Variants in CSF3 observed in about 807,000 individuals in gnomAD.
CSF3 encodes the protein granulocyte colony-stimulating factor.
A neutral mutation model predicts 20.2 loss-of-function variants in CSF3; 17 were observed. That is an observed-to-expected ratio of 0.84 (90% CI 0.58 to 1.26). The LOEUF is 1.26. CSF3 is among the 50% of genes most tolerant of loss of function. The pLI, the probability that CSF3 is intolerant of heterozygous loss-of-function variation, is 0.00. For missense variants in CSF3, 210 were observed against 256.0 expected (o/e 0.82, Z 1.23); for synonymous variants, 125 against 115.3 (o/e 1.08, Z -0.54).
chr17:40,016,612 C>A lies in CSF3; in HGVS notation c.431C>A (p.Ala144Asp). ...DTLQLDVADFATTIWQQMEEL... is the reference protein window; with the variant it reads ...DTLQLDVADFDTTIWQQMEEL... ...CTGCAGCTGGACGTCGCCGACTTTG[C>A]CACCACCATCTGGCAGCAGGTGAGC... The change falls in exon 4 of 5, where the codon GCC becomes GAC. Residue 144 changes from alanine (A) to aspartate (D), a missense_variant. Transcript: ENST00000394149. 1 of 1,614,136 alleles carries A rather than the reference C, an allele frequency of 6.2e-7. No individual in the cohort carries two copies. Among genetic ancestry groups the A allele is most frequent in the Non-Finnish European group, 8.5e-7 (1 of 1,180,036 alleles).
chr17:40,016,531 G>A lies in CSF3; in HGVS notation c.350G>A (p.Gly117Glu), dbSNP rs1981399156. 6.2e-7 allele frequency: 1 copy of A among 1,614,064 alleles called. No individual in the cohort carries two copies. The highest frequency in any genetic ancestry group is 1.7e-5 in the Admixed American group (1 of 59,996). The change falls in exon 4 of 5, where the codon GGG becomes GAG. Residue 117 changes from glycine (G) to glutamate (E), a missense_variant. Gly to Glu is a moderately conservative substitution (Grantham distance 98). Transcript: ENST00000394149. ...QLHSGLFLYQ[G>E]LLQALEGISP... is the part of the protein sequence containing the mutation. Reference sequence around the variant, plus strand: ...CATAGCGGCCTTTTCCTCTACCAGGGGCTCCTGCAGGCCCTGGAAGGGATC... The same window carrying A: ...CATAGCGGCCTTTTCCTCTACCAGGAGCTCCTGCAGGCCCTGGAAGGGATC...
In CSF3 at chr17:40,015,465, AC is replaced by A; in HGVS notation, c.-7del. 1 of 1,551,288 alleles carries A rather than the reference AC, an allele frequency of 6.4e-7. No homozygotes were observed. The highest frequency in any genetic ancestry group is 8.7e-7 in the Non-Finnish European group (1 of 1,146,904). On this transcript the variant is annotated 5_prime_UTR_variant, in exon 1 of 5. Transcript: ENST00000394149. ...AGCCCGGAGCCTGCAGCCCAGCCCC[AC>A]CCAGACCCATGGCTGGACCTGCCAC... is the stretch of plus-strand genomic sequence containing the variant.
Position 40,016,452 on chromosome 17 carries a change from A to T in CSF3, c.304-33A>T, listed in dbSNP as rs764540509. Reference sequence around the variant, plus strand: ...GCTGGGGGCCTGACGTATCTCAGGCAGCACCCCCTAACTCTTCCGCTCTGT... The same window carrying T: ...GCTGGGGGCCTGACGTATCTCAGGCTGCACCCCCTAACTCTTCCGCTCTGT... On this transcript the variant is annotated intron_variant, in intron 3 of 4. Coordinates refer to ENST00000394149, the MANE Select transcript of CSF3 (RefSeq NM_172219.3). 3.1e-6 allele frequency: 5 copies of T among 1,612,066 alleles called. No individual in the cohort carries two copies. In the East Asian group the frequency reaches 8.9e-5, roughly 29 times the overall value.
Position 40,015,730 on chromosome 17 carries a change from T to C in CSF3, c.80T>C (p.Val27Ala), listed in dbSNP as rs1285370229. ...CTGTGGCACAGTGCACTCTGGACAG[T>C]GCAGGAAGCCACCCCCCTGGGCCCT... ...LLLWHSALWT[V>A]QEATPLGPAS... is the part of the protein sequence containing the mutation. The change falls in exon 2 of 5, where the codon GTG becomes GCG. Residue 27 changes from valine (V) to alanine (A), a missense_variant. Val to Ala is a moderately conservative substitution (Grantham distance 64, BLOSUM62 0). Coordinates refer to ENST00000394149, the MANE Select transcript of CSF3 (RefSeq NM_172219.3). The C allele has an allele frequency of 6.3e-7, 1 of 1,597,022 alleles. No homozygotes were observed. The highest frequency in any genetic ancestry group is 1.7e-5 in the Admixed American group (1 of 57,850).
rs757612684 is a variant in CSF3 at position 40,016,903 on chromosome 17, C to G, written c.559C>G (p.Leu187Val). The G allele has an allele frequency of 6.2e-7, 1 of 1,613,184 alleles. No individual in the cohort carries two copies. Among genetic ancestry groups the G allele is most frequent in the African/African-American group, 1.3e-5 (1 of 74,926 alleles). The change falls in exon 5 of 5, where the codon CTG (leucine) becomes GTG (valine). Residue 187 changes from leucine to valine, a missense_variant. By Grantham distance (32) the Leu-to-Val change is conservative (BLOSUM62 1). Transcript: ENST00000394149. ...AGGAGGGGTCCTGGTTGCCTCCCAT[C>G]TGCAGAGCTTCCTGGAGGTGTCGTA... ...RAGGVLVASH[L>V]QSFLEVSYRV...
chr17:40,016,615 C>A lies in CSF3; in HGVS notation c.434C>A (p.Thr145Asn). 1.2e-6 allele frequency: 2 copies of A among 1,614,164 alleles called. No homozygotes were observed. The highest frequency in any genetic ancestry group is 8.5e-7 in the Non-Finnish European group (1 of 1,180,034). ...CAGCTGGACGTCGCCGACTTTGCCA[C>A]CACCATCTGGCAGCAGGTGAGCCTT... ...TLQLDVADFA[T>N]TIWQQMEELG... The change falls in exon 4 of 5, where the codon ACC becomes AAC. Residue 145 changes from threonine to asparagine, a missense_variant. Transcript: ENST00000394149.
intron 2 of CSF3, 84 bp downstream of exon 2, chr17:40,015,929 T>C (rs1981354497): frequency 1.3e-6 from 2 of 1,492,724 alleles, no homozygotes; most frequent in African/African-American, 1.4e-5. Flanking sequence ...CAACATCCTC[T>C]GGAAGGGACG....
chr17:40,016,964 A>G lies in CSF3; in HGVS notation c.*5A>G. ...CGCCACCTTGCCCAGCCCTGAGCCAAGCCCTCCCCATCCCATGTATTTATC... is the reference window on the plus strand; with the variant it reads ...CGCCACCTTGCCCAGCCCTGAGCCAGGCCCTCCCCATCCCATGTATTTATC... On this transcript the variant is annotated 3_prime_UTR_variant, in exon 5 of 5. Coordinates refer to ENST00000394149, the MANE Select transcript of CSF3 (RefSeq NM_172219.3). The G allele has an allele frequency of 6.4e-7, 1 of 1,559,366 alleles. No homozygotes were observed. Among genetic ancestry groups the G allele is most frequent in the Non-Finnish European group, 8.7e-7 (1 of 1,153,846 alleles).
chr17:40,016,017 C>A, intron 2 of CSF3, 172 bp downstream of exon 2: 1 of 1,053,592 alleles, frequency 9.5e-7, no homozygotes, highest in Non-Finnish European at 1.3e-6. Context: ...GGGGACAGTG[C>A]TCGGGAGGGC....
In CSF3 at chr17:40,015,865, G is replaced by C. The variant is rs565152143; in HGVS notation, c.195+20G>C. 1 of 1,592,834 alleles carries C rather than the reference G, an allele frequency of 6.3e-7. No homozygotes were observed. Among genetic ancestry groups the C allele is most frequent in the Admixed American group, 1.7e-5 (1 of 58,712 alleles). On this transcript the variant is annotated intron_variant, in intron 2 of 4. Coordinates refer to ENST00000394149, the MANE Select transcript of CSF3 (RefSeq NM_172219.3). ...AAGCTGGTGAGTGAGGTGGGTGAGA[G>C]GGCTGTGGAGGGAAGCCCGGTGGGG...
In CSF3 at chr17:40,016,547, G is replaced by A. The variant is rs774542221; in HGVS notation, c.366G>A (p.Leu122=). 1.2e-6 allele frequency: 2 copies of A among 1,614,180 alleles called. No homozygotes were observed. Among genetic ancestry groups the A allele is most frequent in the Non-Finnish European group, 1.7e-6 (2 of 1,180,028 alleles). Reference sequence around the variant, plus strand: ...TCTACCAGGGGCTCCTGCAGGCCCTGGAAGGGATCTCCCCCGAGTTGGGTC... The same window carrying A: ...TCTACCAGGGGCTCCTGCAGGCCCTAGAAGGGATCTCCCCCGAGTTGGGTC... ...LFLYQGLLQA[L]EGISPELGPT... Residue 122 remains leucine, a synonymous_variant, in exon 4 of 5, where the codon CTG becomes CTA. Transcript: ENST00000394149.
chr17:40,016,769 C>G, intron 4 of CSF3, 26 bp from the exon 5 acceptor site: 1 of 1,612,896 alleles, frequency 6.2e-7, no homozygotes, highest in Non-Finnish European at 8.5e-7. Context: ...AAGGGCCCAA[C>G]CACTGATCAC....
Position 40,015,460 on chromosome 17 carries a change from GC to G in CSF3, c.-11del. 2 of 1,551,264 alleles carry G rather than the reference GC, an allele frequency of 1.3e-6. No individual in the cohort carries two copies. Among genetic ancestry groups the G allele is most frequent in the Admixed American group, 3.9e-5 (2 of 50,966 alleles). ...AAAACAGCCCGGAGCCTGCAGCCCA[GC>G]CCCACCCAGACCCATGGCTGGACCT... On this transcript the variant is annotated 5_prime_UTR_variant, in exon 1 of 5. Coordinates refer to ENST00000394149, the MANE Select transcript of CSF3 (RefSeq NM_172219.3).
rs1197607921 is a variant in CSF3, at chr17:40,017,008, C to T, written c.*49C>T. On this transcript the variant is annotated 3_prime_UTR_variant, in exon 5 of 5. Coordinates refer to ENST00000394149, the MANE Select transcript of CSF3 (RefSeq NM_172219.3). ...ATTTATCTCTATTTAATATTTATGT[C>T]TATTTAAGCCTCATATTTAAAGACA... is the stretch of plus-strand genomic sequence containing the variant. 3.1e-5 allele frequency: 46 copies of T among 1,476,056 alleles called. No homozygotes were observed. The highest frequency in any genetic ancestry group is 4.1e-5 in the Non-Finnish European group (45 of 1,107,252). The allele number at this position is 1,476,056 out of a possible 1,614,324, so 91.4% of individuals were successfully genotyped here. A position where few individuals can be genotyped will look rare whatever the true frequency, so the allele number is the denominator to read the frequency against.
At chr17:40,016,193 C>A (rs759374510) in intron 2 of CSF3, 40 bp from the exon 3 acceptor site, 1 of 1,455,134 alleles carries the variant, frequency 6.9e-7, no homozygotes, top group South Asian at 1.3e-5. Context: ...AGCGGCGACC[C>A]GGCCATGGCG....
At position 40,016,701 on chromosome 17, in the gene CSF3, G is replaced by A; in HGVS notation, c.450+70G>A. The A allele has an allele frequency of 3.2e-6, 5 of 1,586,762 alleles. No individual in the cohort carries two copies. In the South Asian group the frequency reaches 5.6e-5, roughly 18 times the overall value. ...GGGCACCACAGCCAGGCCTGTGTAT[G>A]GGCCCTGTCCATGCTGTCACCCCCA... On this transcript the variant is annotated intron_variant, in intron 4 of 4. Transcript: ENST00000394149.
chr17:40,015,976 TG>T, intron 2 of CSF3, 131 bp downstream of exon 2: 1 of 1,367,698 alleles, frequency 7.3e-7, no homozygotes, highest in South Asian at 1.5e-5. Flanking sequence ...TGGGGAAGGC[TG>T]GGAAGGGACT....
At position 40,015,812 on chromosome 17, in the gene CSF3, C is replaced by T. The variant is rs1352934824; in HGVS notation, c.162C>T (p.Ile54=). 6.2e-7 allele frequency: 1 copy of T among 1,611,302 alleles called. No homozygotes were observed. The highest frequency in any genetic ancestry group is 1.7e-5 in the Admixed American group (1 of 59,748). ...LLKCLEQVRK[I]QGDGAALQEK... ...AGTGCTTAGAGCAAGTGAGGAAGAT[C>T]CAGGGCGATGGCGCAGCGCTCCAGG... is the stretch of plus-strand genomic sequence containing the variant. The change falls in exon 2 of 5, where the codon ATC becomes ATT. Residue 54 remains isoleucine (I), a synonymous_variant. Transcript: ENST00000394149.
rs1414763585 is a variant in CSF3 at position 40,016,968 on chromosome 17, C to T, written c.*9C>T. ...ACCTTGCCCAGCCCTGAGCCAAGCC[C>T]TCCCCATCCCATGTATTTATCTCTA... On this transcript the variant is annotated 3_prime_UTR_variant, in exon 5 of 5. Coordinates refer to ENST00000394149, the MANE Select transcript of CSF3 (RefSeq NM_172219.3). The T allele has an allele frequency of 1.9e-6, 3 of 1,549,142 alleles. No individual in the cohort carries two copies. The highest frequency in any genetic ancestry group is 2.6e-6 in the Non-Finnish European group (3 of 1,149,672).
Sources: gnomAD v4.1 joint callset for allele counts on GRCh38, gnomAD v4.1.1 for gene constraint, MANE v1.5 for transcripts, NCBI Gene and HGNC (gene_info 2026-07-23, HGNC 2026-07-21) for gene names.